Variants in AKAP13 observed in about 807,000 individuals in gnomAD.
The protein encoded by AKAP13 is A-kinase anchor protein 13.
A neutral mutation model predicts 264.5 loss-of-function variants in AKAP13; 80 were observed. That is an observed-to-expected ratio of 0.30 (90% confidence interval 0.25 to 0.36). AKAP13 has a LOEUF of 0.36. Ranked by LOEUF, AKAP13 falls within the 10% of genes least tolerant of loss-of-function variation. AKAP13 has a pLI of 1.00. For synonymous variants in AKAP13, 1,380 were observed against 1,250.2 expected (o/e 1.10, Z -2.19); for missense variants, 3,712 against 3,435.2 (o/e 1.08, Z -2.01).
chr15:85,540,672 A>T (rs28380635), intron 4 of AKAP13, among the ~76,000 whole-genome samples: 2 of 152,104 alleles, frequency 1.3e-5, no homozygotes, highest in Non-Finnish European at 2.9e-5. Context: ...CAGTGATGGA[A>T]GCTTTCATGC....
intron 4 of AKAP13, 25 bp from the exon 5 acceptor site, chr15:85,543,747 C>T (rs553810742): frequency 8.3e-6 from 13 of 1,574,080 alleles, no homozygotes; most frequent in South Asian, 3.5e-5. Flanking sequence ...TCCTCACTTA[C>T]GTTCATTTTC....
At chr15:85,393,093 C>T (rs2070944800) in intron 1 of AKAP13, among the ~76,000 whole-genome samples, 1 of 152,134 alleles carries the variant, frequency 6.6e-6, no homozygotes. Context: ...TCTGCCTTGT[C>T]TAAGTGGGTG....
chr15:85,563,149 G>T (rs536669108), intron 5 of AKAP13, among the ~76,000 whole-genome samples: 1 of 151,984 alleles, frequency 6.6e-6, no homozygotes, highest in African/African-American at 2.4e-5. Context: ...CTATGATTTA[G>T]CCTCTAGGGA....
In AKAP13 at chr15:85,516,253, C is replaced by T. The variant is rs1037090426; in HGVS notation, c.34-5175C>T. 1.2e-4 allele frequency among the ~76,000 whole-genome samples: 18 copies of T among 152,298 alleles called. 1 individual carries two copies. The South Asian group carries it at 2.1e-3, about 18-fold the overall frequency. On this transcript the variant is annotated intron_variant, in intron 2 of 36. Coordinates refer to ENST00000394518, the MANE Select transcript of AKAP13 (RefSeq NM_007200.5). Reference sequence around the variant, plus strand: ...CTTGATATAGGTGCTTTCCTTTTATCAATCACTTAATTCTTCAAAACGACC... The same window carrying T: ...CTTGATATAGGTGCTTTCCTTTTATTAATCACTTAATTCTTCAAAACGACC...
At chr15:85,525,262 G>C (rs2076992755) in intron 3 of AKAP13, among the ~76,000 whole-genome samples, 1 of 151,992 alleles carries the variant, frequency 6.6e-6, no homozygotes, top group South Asian at 2.1e-4. Context: ...GTTTCACCGT[G>C]TTAGCCAGGA....
intron 17 of AKAP13, among the ~76,000 whole-genome samples, chr15:85,699,099 C>T (rs2085749215): frequency 6.6e-6 from 1 of 151,790 alleles, no homozygotes. Flanking sequence ...GTAAATAGAA[C>T]AATATATACA....
rs1055550147 is a variant in AKAP13, at chr15:85,648,807, C to A, written c.4374+2853C>A. 3.9e-5 allele frequency among the ~76,000 whole-genome samples: 6 copies of A among 152,194 alleles called. No individual in the cohort carries two copies. The South Asian group carries it at 1.2e-3, about 32-fold the overall frequency. On this transcript the variant is annotated intron_variant, in intron 10 of 36. Transcript: ENST00000394518. The stretch of plus-strand genomic sequence containing the variant: ...TGAGCCGTGATGGCACCACTGCACT[C>A]CAGCCTGGGCGACAGAGCAAGACCC...
At position 85,662,503 on chromosome 15, in the gene AKAP13, G is replaced by A. The variant is rs116880040; in HGVS notation, c.4800-2060G>A. On this transcript the variant is annotated intron_variant, in intron 12 of 36. Coordinates refer to ENST00000394518, the MANE Select transcript of AKAP13 (RefSeq NM_007200.5). ...CACCAAATGGGGAACCATAAAATAC[G>A]CCATCAGGGCTTTTGGCTTGGAGCT... 7.2e-3 allele frequency: 11,603 copies of A among 1,607,314 alleles called. 94 individuals carry two copies. The highest frequency in any genetic ancestry group is 0.036 in the Admixed American group (2,151 of 59,990).
chr15:85,593,827 A>G (rs1423279061), intron 8 of AKAP13, among the ~76,000 whole-genome samples: 8 of 152,262 alleles, frequency 5.3e-5, no homozygotes, highest in Non-Finnish European at 1.2e-4. Context: ...TTGACAGCCA[A>G]TGATAATAGC....
rs865929840 is a variant in AKAP13 at position 85,428,860 on chromosome 15, A to G, written c.-12+48062A>G. 3.3e-5 allele frequency among the ~76,000 whole-genome samples: 5 copies of G among 152,326 alleles called. 1 individual carries two copies. In the Middle Eastern group the frequency reaches 0.014, roughly 414 times the overall value. On this transcript the variant is annotated intron_variant, in intron 1 of 36. Coordinates refer to ENST00000394518, the MANE Select transcript of AKAP13 (RefSeq NM_007200.5). ...CTACCAGATAATCATTATTTTCATT[A>G]TCTTACCTTCTGAGTTTCCACCTGG...
intron 14 of AKAP13, among the ~76,000 whole-genome samples, chr15:85,675,822 C>T (rs1276075785): frequency 6.6e-6 from 1 of 152,116 alleles, no homozygotes; most frequent in East Asian, 1.9e-4. Context: ...GAATTGGAAT[C>T]ATTTACATTG....
intron 12 of AKAP13, among the ~76,000 whole-genome samples, chr15:85,659,883 A>G (rs77403838): frequency 6.6e-6 from 1 of 152,352 alleles, no homozygotes; most frequent in East Asian, 1.9e-4. Context: ...TTTTTAATCT[A>G]GAACTTTACA....
chr15:85,711,839 G>T (rs866453017), intron 19 of AKAP13, among the ~76,000 whole-genome samples: 4 of 152,240 alleles, frequency 2.6e-5, no homozygotes, highest in Middle Eastern at 3.4e-3. Flanking sequence ...GTGTGTGGGA[G>T]TGTGTTTAAT....
intron 14 of AKAP13, among the ~76,000 whole-genome samples, chr15:85,675,330 C>A (rs947473805): frequency 2.0e-5 from 3 of 152,204 alleles, no homozygotes; most frequent in Non-Finnish European, 4.4e-5. Context: ...ACCAACATTT[C>A]TTTGATCTGT....
At chr15:85,589,640 C>G (rs550279123) in intron 8 of AKAP13, among the ~76,000 whole-genome samples, 1 of 141,376 alleles carries the variant, frequency 7.1e-6, no homozygotes, top group African/African-American at 2.7e-5. Flanking sequence ...TTGCTTGACC[C>G]GGGAGGTTGC....
At chr15:85,407,289 G>A (rs2071716727) in intron 1 of AKAP13, among the ~76,000 whole-genome samples, 1 of 147,714 alleles carries the variant, frequency 6.8e-6, no homozygotes, top group Non-Finnish European at 1.5e-5. Context: ...ATGCAGTGGT[G>A]CGATCTGGGC....
At chr15:85,739,935 G>T (rs902608795) in intron 33 of AKAP13, among the ~76,000 whole-genome samples, 1 of 152,138 alleles carries the variant, frequency 6.6e-6, no homozygotes, top group Non-Finnish European at 1.5e-5. Flanking sequence ...GCGTTGATAT[G>T]TATGCTGTTT....
rs151246176 is a variant in AKAP13, at chr15:85,503,360, G to A, written c.33+17607G>A. 1.2e-3 allele frequency among the ~76,000 whole-genome samples: 181 copies of A among 152,318 alleles called. 1 individual carries two copies. The highest frequency in any genetic ancestry group is 4.2e-3 in the African/African-American group (175 of 41,578). On this transcript the variant is annotated intron_variant, in intron 2 of 36. Transcript: ENST00000394518. ...AAGGGAAGCTGGTATTCTAAGTCAC[G>A]TGATTTCAAAGCCTGTGGTCTTCCT...
intron 13 of AKAP13, among the ~76,000 whole-genome samples, chr15:85,669,329 C>G (rs1021126556): frequency 1.3e-5 from 2 of 152,110 alleles, no homozygotes; most frequent in Non-Finnish European, 2.9e-5. Flanking sequence ...TTTCAAAGAA[C>G]AAGTATTGTA....
Sources: gnomAD v4.1 joint callset for allele counts (sites outside exome capture counted in the v4.1 genomes callset) on GRCh38, gnomAD v4.1.1 for gene constraint, MANE v1.5 for transcripts, NCBI Gene and HGNC (gene_info 2026-07-23, HGNC 2026-07-21) for gene names.